ACSL3: variants seen among roughly 807,000 people sequenced by gnomAD.
The protein encoded by ACSL3 is fatty acid CoA ligase Acsl3.
ACSL3 carries 34 observed loss-of-function variants against 84.7 expected under a neutral mutation model. That is an observed-to-expected ratio of 0.40 (90% CI 0.31 to 0.53). The LOEUF (loss-of-function observed/expected upper bound fraction) is 0.53, where lower values mean the gene tolerates loss of function less well. Among genes scored for constraint, ACSL3 ranks in the 20% least tolerant of loss-of-function variants. The pLI is 0.48. For missense variants in ACSL3, 680 were observed against 873.1 expected (o/e 0.78, Z 2.79); for synonymous variants, 315 against 299.4 (o/e 1.05, Z -0.54).
At chr2:222,915,869 T>G (rs1696567251) in intron 4 of ACSL3, among the ~76,000 whole-genome samples, 1 of 152,248 alleles carries the variant, frequency 6.6e-6, no homozygotes, top group Non-Finnish European at 1.5e-5. Flanking sequence ...AATCATTTTA[T>G]ACCGTCTGAT....
At chr2:222,924,850 C>T (rs1326485332) in intron 11 of ACSL3, among the ~76,000 whole-genome samples, 4 of 151,876 alleles carry the variant, frequency 2.6e-5, no homozygotes, top group Admixed American at 2.6e-4. Flanking sequence ...AGTGAAACCC[C>T]GTCTCTACTA....
At chr2:222,886,752 A>G (rs1404631659) in intron 1 of ACSL3, among the ~76,000 whole-genome samples, 1 of 152,106 alleles carries the variant, frequency 6.6e-6, no homozygotes, top group Non-Finnish European at 1.5e-5. Context: ...ATTTTTTATA[A>G]TAGAGTTTAT....
At chr2:222,877,260 T>C (rs182016556) in intron 1 of ACSL3, among the ~76,000 whole-genome samples, 1 of 152,150 alleles carries the variant, frequency 6.6e-6, no homozygotes, top group Non-Finnish European at 1.5e-5. Context: ...AAGAGTAGTT[T>C]TGGAGTTTTG....
At chr2:222,895,470 C>CTTTTT (rs1164470428) in intron 2 of ACSL3, among the ~76,000 whole-genome samples, 4 of 15,606 alleles carry the variant, frequency 2.6e-4, no homozygotes, top group Non-Finnish European at 3.7e-4. Flanking sequence ...TTACTTTGTT[C>CTTTTT]TTTTTTTTTT....
chr2:222,924,488 G>T lies in ACSL3; in HGVS notation c.1185G>T (p.Met395Ile). 6.2e-7 allele frequency: 1 copy of T among 1,608,296 alleles called. No individual in the cohort carries two copies. The highest frequency in any genetic ancestry group is 1.1e-5 in the South Asian group (1 of 89,100). Reference protein sequence around the residue: ...EIMDRIYKNVMNKVSEMSSFQ... With the variant: ...EIMDRIYKNVINKVSEMSSFQ... Reference sequence around the variant, plus strand: ...TGGATCGGATCTACAAAAATGTCATGAATAAAGTCAGTGAAATGAGTAGTT... The same window carrying T: ...TGGATCGGATCTACAAAAATGTCATTAATAAAGTCAGTGAAATGAGTAGTT... Residue 395 changes from methionine to isoleucine, a missense_variant, in exon 11 of 17, where the codon ATG becomes ATT. Met to Ile is a conservative substitution (Grantham distance 10, BLOSUM62 1). Coordinates refer to ENST00000357430, the MANE Select transcript of ACSL3 (RefSeq NM_004457.5).
In ACSL3 at chr2:222,868,400, A is replaced by G. The variant is rs115013833; in HGVS notation, c.-207+7142A>G. On this transcript the variant is annotated intron_variant, in intron 1 of 16. Transcript: ENST00000357430. ...GTGAGATTCAAATGAGGTGTCTGGCATAGTCATTACTCAATACATATTAGC... is the reference window on the plus strand; with the variant it reads ...GTGAGATTCAAATGAGGTGTCTGGCGTAGTCATTACTCAATACATATTAGC... Among the ~76,000 whole-genome samples, 1,144 of 152,344 alleles carry G rather than the reference A, an allele frequency of 7.5e-3. 22 individuals carry two copies. Among genetic ancestry groups the G allele is most frequent in the African/African-American group, 0.025 (1,055 of 41,576 alleles).
intron 3 of ACSL3, chr2:222,904,528 A>G (rs946003231): frequency 2.6e-5 from 4 of 152,452 alleles, no homozygotes; most frequent in African/African-American, 4.8e-5. Flanking sequence ...TAGTGGACAC[A>G]TACTGAATAG....
At chr2:222,861,431 G>A (rs926760538) in intron 1 of ACSL3, 173 bp downstream of exon 1, 4 of 152,060 alleles carry the variant, frequency 2.6e-5, no homozygotes, top group African/African-American at 9.7e-5. Context: ...CAGGAGCAGC[G>A]GCGAGCAGGG....
intron 2 of ACSL3, among the ~76,000 whole-genome samples, chr2:222,898,817 ACT>A (rs1696061277): frequency 1.3e-5 from 2 of 152,136 alleles, no homozygotes; most frequent in Non-Finnish European, 2.9e-5. Context: ...AAAGAGTGAG[ACT>A]CTGTCTCAAA....
intron 1 of ACSL3, among the ~76,000 whole-genome samples, chr2:222,865,249 A>G (rs916920638): frequency 6.6e-6 from 1 of 152,082 alleles, no homozygotes; most frequent in Non-Finnish European, 1.5e-5. Flanking sequence ...GAATATGTTT[A>G]TTTACGTATT....
At chr2:222,882,352 T>C (rs1695610136) in intron 1 of ACSL3, among the ~76,000 whole-genome samples, 1 of 152,202 alleles carries the variant, frequency 6.6e-6, no homozygotes. Context: ...CCTTCCTGTG[T>C]TTCTGAGACA....
Position 222,908,936 on chromosome 2 carries a change from T to C in ACSL3, c.164T>C (p.Ile55Thr). 6.2e-7 allele frequency: 1 copy of C among 1,613,254 alleles called. No homozygotes were observed. The highest frequency in any genetic ancestry group is 8.5e-7 in the Non-Finnish European group (1 of 1,179,732). Residue 55 changes from isoleucine to threonine, a missense_variant, in exon 4 of 17, where the codon ATT (isoleucine) becomes ACT (threonine). Ile to Thr is a moderately conservative substitution (Grantham distance 89). Transcript: ENST00000357430. Reference protein sequence around the residue: ...SESRQEKSNRIKAKPVNSKPD... With the variant: ...SESRQEKSNRTKAKPVNSKPD... Reference sequence around the variant, plus strand: ...TCAAGACAAGAAAAATCAAACCGAATTAAAGCAAAGCCTGTAAATTCAAAA... The same window carrying C: ...TCAAGACAAGAAAAATCAAACCGAACTAAAGCAAAGCCTGTAAATTCAAAA...
intron 4 of ACSL3, among the ~76,000 whole-genome samples, chr2:222,915,671 GA>G (rs1696562203): frequency 6.6e-6 from 1 of 152,196 alleles, no homozygotes; most frequent in Non-Finnish European, 1.5e-5. Flanking sequence ...ATAAAATATT[GA>G]AAACCTGGCG....
chr2:222,872,425 A>G (rs538692111), intron 1 of ACSL3, among the ~76,000 whole-genome samples: 30 of 152,278 alleles, frequency 2.0e-4, no homozygotes, highest in African/African-American at 6.7e-4. Context: ...CGACAGTTAC[A>G]TATTTTTTAT....
intron 1 of ACSL3, among the ~76,000 whole-genome samples, chr2:222,883,048 A>AT (rs1695630664): frequency 1.3e-5 from 2 of 151,332 alleles, no homozygotes; most frequent in African/African-American, 2.4e-5. Flanking sequence ...GATTACAGGC[A>AT]TGAGCCACCA....
At chr2:222,915,297 C>G (rs538444751) in intron 4 of ACSL3, among the ~76,000 whole-genome samples, 1 of 149,666 alleles carries the variant, frequency 6.7e-6, no homozygotes, top group African/African-American at 2.4e-5. Flanking sequence ...GTTGCTTTAT[C>G]CATCAAAATA....
chr2:222,914,861 A>G (rs1467929710), intron 4 of ACSL3, among the ~76,000 whole-genome samples: 2 of 152,218 alleles, frequency 1.3e-5, no homozygotes, highest in Non-Finnish European at 2.9e-5. Flanking sequence ...TTACTAGATG[A>G]TTCAGTGGTT....
Position 222,927,180 on chromosome 2 carries a change from A to G in ACSL3, c.1456A>G (p.Ile486Val). The G allele has an allele frequency of 6.2e-7, 1 of 1,613,310 alleles. No homozygotes were observed. The highest frequency in any genetic ancestry group is 8.5e-7 in the Non-Finnish European group (1 of 1,179,364). ...CACTGAATCTGCTGGGGCTGGAACA[A>G]TTTCCGAAGGTAGTGTTCTCCATGG... ...GLTESAGAGT[I>V]SEVWDYNTGR... Residue 486 changes from isoleucine to valine, a missense_variant, in exon 12 of 17, where the codon ATT becomes GTT. Around this residue, in one of 2 missense-constraint regions of ACSL3, gnomAD observed 347 missense variants for 525.7 expected, o/e 0.66. Coordinates refer to ENST00000357430, the MANE Select transcript of ACSL3 (RefSeq NM_004457.5).
At chr2:222,873,012 A>T (rs1035863588) in intron 1 of ACSL3, among the ~76,000 whole-genome samples, 5 of 152,198 alleles carry the variant, frequency 3.3e-5, no homozygotes, top group African/African-American at 9.7e-5. Context: ...TTGAGAGTAG[A>T]CTGGGAAGAT....
Sources: allele counts gnomAD v4.1 joint callset (sites outside exome capture counted in the v4.1 genomes callset), GRCh38; gene constraint gnomAD v4.1.1; regional missense constraint gnomAD v4.1.1; transcripts MANE v1.5; gene names NCBI Gene and HGNC (gene_info 2026-07-23, HGNC 2026-07-21).